The following LPGAT1 variants were observed in gnomAD, a reference collection of about 807,000 sequenced individuals.
LPGAT1 encodes the protein lysophosphatidylglycerol acyltransferase 1.
A neutral mutation model predicts 47.5 loss-of-function variants in LPGAT1; 11 were observed. The observed-to-expected ratio is 0.23, with a 90% CI of 0.15 to 0.38. The LOEUF is 0.38. LPGAT1 is among the 10% of genes least tolerant of loss of function. The pLI, the probability that LPGAT1 is intolerant of heterozygous loss-of-function variation, is 1.00. For synonymous variants in LPGAT1, 138 were observed against 144.2 expected (o/e 0.96, Z 0.31); for missense variants, 293 against 439.0 (o/e 0.67, Z 2.97).
chr1:211,808,818 C>T (rs942445378), intron 2 of LPGAT1, among the ~76,000 whole-genome samples: 1 of 152,148 alleles, frequency 6.6e-6, no homozygotes, highest in African/African-American at 2.4e-5. Context: ...GGAGGCATTA[C>T]TAAATGGACT....
chr1:211,750,927 A>C, intron 7 of LPGAT1, 34 bp downstream of exon 7: 1 of 1,437,346 alleles, frequency 7.0e-7, no homozygotes, highest in Non-Finnish European at 9.7e-7. Flanking sequence ...TACTGTTGCT[A>C]TAATTTAGCA....
At chr1:211,773,766 A>C (rs1033992900) in intron 6 of LPGAT1, among the ~76,000 whole-genome samples, 1 of 152,218 alleles carries the variant, frequency 6.6e-6, no homozygotes, top group Non-Finnish European at 1.5e-5. Context: ...CTTGCTTAGC[A>C]GGAATAAGCT....
At chr1:211,819,406 T>A (rs1406765940) in intron 2 of LPGAT1, among the ~76,000 whole-genome samples, 1 of 152,052 alleles carries the variant, frequency 6.6e-6, no homozygotes, top group Admixed American at 6.6e-5. Context: ...ATGGGAACGA[T>A]CACTTGAGGC....
chr1:211,811,900 A>G (rs764731690), intron 2 of LPGAT1, among the ~76,000 whole-genome samples: 2 of 152,262 alleles, frequency 1.3e-5, no homozygotes, highest in African/African-American at 2.4e-5. Context: ...GGAGGATAAG[A>G]GCATTCATGG....
At chr1:211,809,279 A>G (rs946031210) in intron 2 of LPGAT1, among the ~76,000 whole-genome samples, 10 of 152,192 alleles carry the variant, frequency 6.6e-5, no homozygotes, top group Non-Finnish European at 1.3e-4. Context: ...TTTCTATAGT[A>G]TGTCCCAATA....
chr1:211,777,371 G>C (rs1658445489), intron 6 of LPGAT1, among the ~76,000 whole-genome samples: 1 of 152,108 alleles, frequency 6.6e-6, no homozygotes, highest in Non-Finnish European at 1.5e-5. Flanking sequence ...TAAACCCTGG[G>C]AAGAAAAGAA....
At chr1:211,803,164 G>A (rs926024273) in intron 2 of LPGAT1, 2 of 152,050 alleles carry the variant, frequency 1.3e-5, no homozygotes, top group Non-Finnish European at 2.9e-5. Flanking sequence ...TCTCCACCCA[G>A]CCAAATAACC....
chr1:211,750,928 T>C (rs1261744427), intron 7 of LPGAT1, 33 bp downstream of exon 7: 1 of 1,427,000 alleles, frequency 7.0e-7, no homozygotes, highest in East Asian at 2.3e-5. Flanking sequence ...ACTGTTGCTA[T>C]AATTTAGCAA....
chr1:211,806,201 A>G (rs1313246925), intron 2 of LPGAT1, among the ~76,000 whole-genome samples: 1 of 151,636 alleles, frequency 6.6e-6, no homozygotes, highest in African/African-American at 2.4e-5. Context: ...CAGAGGTTGC[A>G]GTGAGCCGAG....
chr1:211,826,883 T>A (rs1293811193), intron 2 of LPGAT1, among the ~76,000 whole-genome samples: 1 of 152,170 alleles, frequency 6.6e-6, no homozygotes, highest in Non-Finnish European at 1.5e-5. Context: ...AAAAAGAACT[T>A]CTTCACAAGC....
At position 211,830,105 on chromosome 1, in the gene LPGAT1, G is replaced by C. The variant is rs1037409221; in HGVS notation, c.-28+468C>G. ...AGAGAAGAGGCGACCGCAGCGCGGGGAGCCGGTGGAGCCTGCAGCGGTTTC... is the reference window on the plus strand; with the variant it reads ...AGAGAAGAGGCGACCGCAGCGCGGGCAGCCGGTGGAGCCTGCAGCGGTTTC... On this transcript the variant is annotated intron_variant, in intron 1 of 7. Transcript: ENST00000366997. This position sits in a 1 kb window ranked among gnomAD's most constrained non-coding sequence, Gnocchi z 5.9. The C allele has an allele frequency of 2.0e-6, 2 of 984,512 alleles. No homozygotes were observed. Among genetic ancestry groups the C allele is most frequent in the African/African-American group, 3.5e-5 (2 of 57,160 alleles). 61.0% of individuals were successfully genotyped at this position (984,512 alleles called of 1,614,324 possible).
intron 6 of LPGAT1, among the ~76,000 whole-genome samples, chr1:211,774,130 G>GTTTTTTTTTTT (rs1158580879): frequency 6.2e-3 from 90 of 14,516 alleles, no homozygotes; most frequent in Admixed American, 0.013. Flanking sequence ...TTTTTTAAAA[G>GTTTTTTTTTTT]TCTTTTTTTT....
chr1:211,758,703 AG>A (rs1319135036), intron 6 of LPGAT1, among the ~76,000 whole-genome samples: 1 of 152,094 alleles, frequency 6.6e-6, no homozygotes, highest in Admixed American at 6.5e-5. Flanking sequence ...ACTCCGTCTC[AG>A]AAAAAAAAAA....
intron 6 of LPGAT1, among the ~76,000 whole-genome samples, chr1:211,763,930 G>T (rs1320740643): frequency 1.3e-5 from 2 of 152,154 alleles, no homozygotes; most frequent in African/African-American, 4.8e-5. Flanking sequence ...CCAGCACTTT[G>T]AGAGGCCAAG....
In LPGAT1 at chr1:211,788,604, C is replaced by T. The variant is rs368150859; in HGVS notation, c.358-877G>A. Reference sequence around the variant, plus strand: ...GGTTGAGGCAGGAGAATTGCTTGAACCCGGGAGGCACAGGTTGCAGTGAGC... The same window carrying T: ...GGTTGAGGCAGGAGAATTGCTTGAATCCGGGAGGCACAGGTTGCAGTGAGC... On this transcript the variant is annotated intron_variant, in intron 3 of 7. Coordinates refer to ENST00000366997, the MANE Select transcript of LPGAT1 (RefSeq NM_014873.3). Among the ~76,000 whole-genome samples the T allele has an allele frequency of 9.9e-5, 15 of 151,998 alleles. No homozygotes were observed. In the East Asian group the frequency reaches 2.5e-3, roughly 25 times the overall value.
At position 211,747,053 on chromosome 1, in the gene LPGAT1, T is replaced by C. The variant is rs1656973738; in HGVS notation, c.*2846A>G. 1 of 152,224 alleles carries C rather than the reference T, an allele frequency of 6.6e-6. No homozygotes were observed. Among genetic ancestry groups the C allele is most frequent in the Non-Finnish European group, 1.5e-5 (1 of 68,022 alleles). The allele number at this position is 152,224 out of a possible 1,614,324, so 9.4% of individuals were successfully genotyped here. ...TTGATATAAAACTGGCATAGTTTTA[T>C]CTTCTTTCCTCTTGACAAAATATAT... On this transcript the variant is annotated 3_prime_UTR_variant, in exon 8 of 8. Coordinates refer to ENST00000366997, the MANE Select transcript of LPGAT1 (RefSeq NM_014873.3).
chr1:211,752,910 T>C (rs1440448218), intron 6 of LPGAT1, among the ~76,000 whole-genome samples: 1 of 151,934 alleles, frequency 6.6e-6, no homozygotes, highest in Admixed American at 6.5e-5. Flanking sequence ...TATACTATCC[T>C]GTCACAACTA....
At chr1:211,804,342 A>C (rs1659681766) in intron 2 of LPGAT1, among the ~76,000 whole-genome samples, 2 of 152,060 alleles carry the variant, frequency 1.3e-5, no homozygotes, top group African/African-American at 2.4e-5. Flanking sequence ...GAGCCACTAC[A>C]CCTGACAAAA....
intron 6 of LPGAT1, among the ~76,000 whole-genome samples, chr1:211,766,646 T>C (rs1031259708): frequency 6.6e-6 from 1 of 152,234 alleles, no homozygotes; most frequent in Admixed American, 6.5e-5. Flanking sequence ...CACAGTACAC[T>C]GTGGAGTATT....
Sources: gnomAD v4.1 joint callset for allele counts (sites outside exome capture counted in the v4.1 genomes callset) on GRCh38, gnomAD v4.1.1 for gene constraint, Gnocchi (gnomAD v3.1) non-coding constraint, MANE v1.5 for transcripts, NCBI Gene and HGNC (gene_info 2026-07-23, HGNC 2026-07-21) for gene names.